The following PAX3 variants were observed in gnomAD, a reference collection of about 807,000 sequenced individuals.
PAX3 encodes the protein paired box 3.
In PAX3, 14 loss-of-function variants were observed where a neutral mutation model predicts 51.6. The observed-to-expected ratio is 0.27, with a 90% CI of 0.18 to 0.42. PAX3 has a LOEUF of 0.42. Among genes scored for constraint, PAX3 ranks in the 10% least tolerant of loss-of-function variants. The pLI is 1.00. For missense variants in PAX3, 540 were observed against 642.8 expected, an observed-to-expected ratio of 0.84 and a Z score of 1.73; for synonymous variants, 280 against 253.4, an observed-to-expected ratio of 1.11 and a Z score of -1.00.
intron 4 of PAX3, among the ~76,000 whole-genome samples, chr2:222,251,046 C>A (rs1345836102): frequency 6.6e-6 from 1 of 152,170 alleles, no homozygotes; most frequent in Non-Finnish European, 1.5e-5. Context: ...GTCATAACCA[C>A]CCTCAGGTGA....
At chr2:222,286,991 G>A (rs1291795050) in intron 4 of PAX3, among the ~76,000 whole-genome samples, 1 of 152,182 alleles carries the variant, frequency 6.6e-6, no homozygotes, top group Non-Finnish European at 1.5e-5. Context: ...ACTAAAACTT[G>A]GAAATATACA....
rs149804699 is a variant in PAX3 at position 222,220,266 on chromosome 2, G to C, written c.1047C>G (p.Asp349Glu). 2.5e-6 allele frequency: 4 copies of C among 1,613,984 alleles called. No individual in the cohort carries two copies. In the African/African-American group the frequency reaches 5.3e-5, roughly 22 times the overall value. Residue 349 changes from aspartate (D) to glutamate (E), a missense_variant, in exon 7 of 9, where the codon GAC (aspartate) becomes GAG (glutamate). Asp to Glu is a conservative substitution (Grantham distance 45). Coordinates refer to ENST00000392070, the MANE Select transcript of PAX3 (RefSeq NM_181458.4). ...VHQSTIPSNP[D>E]SSSAYCLPST... ...TGGGGAGGCAGTAGGCAGAGCTGCT[G>C]TCTGGGTTGGAAGGAATCGTGCTTT...
chr2:222,230,831 G>A (rs1215269495), intron 5 of PAX3, among the ~76,000 whole-genome samples: 1 of 144,762 alleles, frequency 6.9e-6, no homozygotes, highest in Non-Finnish European at 1.5e-5. Flanking sequence ...CTCCAGCCTG[G>A]GTGACAGAGT....
intron 4 of PAX3, among the ~76,000 whole-genome samples, chr2:222,235,314 A>T (rs1472394909): frequency 6.6e-6 from 1 of 152,186 alleles, no homozygotes; most frequent in Non-Finnish European, 1.5e-5. Context: ...AGAACACAGT[A>T]GGCACTCAAT....
chr2:222,237,202 TGTTCA>T (rs1692830479), intron 4 of PAX3, among the ~76,000 whole-genome samples: 1 of 152,030 alleles, frequency 6.6e-6, no homozygotes. Context: ...TCCAAGAGGT[TGTTCA>T]GTTCATACAG....
chr2:222,280,362 A>G (rs1694599007), intron 4 of PAX3, among the ~76,000 whole-genome samples: 1 of 122,448 alleles, frequency 8.2e-6, no homozygotes, highest in African/African-American at 2.9e-5. Context: ...AGAAAGAAAG[A>G]GAGAAATAAA....
intron 4 of PAX3, among the ~76,000 whole-genome samples, chr2:222,259,253 G>A (rs1233998405): frequency 2.0e-5 from 3 of 152,108 alleles, no homozygotes; most frequent in African/African-American, 7.2e-5. Context: ...TTATCCAACA[G>A]AACATCACTG....
chr2:222,222,384 C>T (rs1388838386), intron 5 of PAX3, among the ~76,000 whole-genome samples: 1 of 151,888 alleles, frequency 6.6e-6, no homozygotes, highest in African/African-American at 2.4e-5. Flanking sequence ...TATTCTAATT[C>T]CTACATCAAA....
At chr2:222,234,380 T>G (rs773627712) in intron 4 of PAX3, among the ~76,000 whole-genome samples, 7 of 152,230 alleles carry the variant, frequency 4.6e-5, no homozygotes, top group Non-Finnish European at 1.0e-4. Flanking sequence ...GGCAATATTT[T>G]AAAGGACAAT....
At chr2:222,275,241 A>G (rs1366183787) in intron 4 of PAX3, among the ~76,000 whole-genome samples, 1 of 152,132 alleles carries the variant, frequency 6.6e-6, no homozygotes, top group Non-Finnish European at 1.5e-5. Flanking sequence ...TCTTCCTAAC[A>G]TTCTCGTTTT....
chr2:222,269,829 A>T (rs898940262), intron 4 of PAX3, among the ~76,000 whole-genome samples: 10 of 152,334 alleles, frequency 6.6e-5, no homozygotes, highest in African/African-American at 2.4e-4. Flanking sequence ...ACTTTAACAT[A>T]GAAGGAAAAA....
chr2:222,200,017 C>T lies in PAX3; in HGVS notation c.*1391G>A, dbSNP rs1192365245. 9.8e-6 allele frequency: 2 copies of T among 203,284 alleles called. No individual in the cohort carries two copies. Among genetic ancestry groups the T allele is most frequent in the African/African-American group, 4.6e-5 (2 of 43,634 alleles). The allele number at this position is 203,284 out of a possible 1,614,324, so 12.6% of individuals were successfully genotyped here. A position where few individuals can be genotyped will look rare whatever the true frequency, so the allele number is the denominator to read the frequency against. ...AAAGATAGTACTTCTCTTGTTCCAT[C>T]ACCCTCTAAGACCAATGCATGAACT... On this transcript the variant is annotated 3_prime_UTR_variant, in exon 9 of 9. Coordinates refer to ENST00000392070, the MANE Select transcript of PAX3 (RefSeq NM_181458.4).
intron 5 of PAX3, among the ~76,000 whole-genome samples, chr2:222,227,776 C>T (rs977498337): frequency 6.6e-6 from 1 of 151,016 alleles, no homozygotes; most frequent in Non-Finnish European, 1.5e-5. Flanking sequence ...GGCAAATAGT[C>T]GTTAGTATAC....
intron 4 of PAX3, among the ~76,000 whole-genome samples, chr2:222,255,317 A>C (rs946043654): frequency 6.6e-6 from 1 of 152,176 alleles, no homozygotes; most frequent in East Asian, 1.9e-4. Flanking sequence ...GAAGGCTTCA[A>C]GGAGATAGGC....
intron 4 of PAX3, among the ~76,000 whole-genome samples, chr2:222,245,657 G>T (rs936975544): frequency 6.8e-6 from 1 of 148,052 alleles, no homozygotes; most frequent in East Asian, 2.1e-4. Flanking sequence ...TAACTGAAGA[G>T]AATAAAAGAG....
chr2:222,215,958 G>A (rs984081743), intron 7 of PAX3, among the ~76,000 whole-genome samples: 1 of 152,148 alleles, frequency 6.6e-6, no homozygotes, highest in Non-Finnish European at 1.5e-5. Flanking sequence ...GCTATCCAGA[G>A]ATGGTGGAAA....
At chr2:222,257,057 C>T (rs1450885071) in intron 4 of PAX3, among the ~76,000 whole-genome samples, 4 of 152,162 alleles carry the variant, frequency 2.6e-5, no homozygotes, top group African/African-American at 9.7e-5. Flanking sequence ...ACCATGGGCT[C>T]TTTTATGGTA....
chr2:222,280,510 A>G (rs1452221246), intron 4 of PAX3, among the ~76,000 whole-genome samples: 1 of 152,228 alleles, frequency 6.6e-6, no homozygotes, highest in Non-Finnish European at 1.5e-5. Context: ...AATATAAGAC[A>G]AAGGTATGCC....
chr2:222,296,046 CA>C (rs1202079493), intron 2 of PAX3, among the ~76,000 whole-genome samples: 1 of 152,172 alleles, frequency 6.6e-6, no homozygotes, highest in Non-Finnish European at 1.5e-5. Flanking sequence ...GCTGAAAAAT[CA>C]AGTTAAATCT....
Sources: allele counts gnomAD v4.1 joint callset (sites outside exome capture counted in the v4.1 genomes callset), GRCh38; gene constraint gnomAD v4.1.1; transcripts MANE v1.5; gene names NCBI Gene and HGNC (gene_info 2026-07-23, HGNC 2026-07-21).